The following CLASP1 variants were observed in gnomAD, a reference collection of about 807,000 sequenced individuals.
CLASP1 encodes the protein cytoplasmic linker associated protein 1, also known as CLIP-associating protein 1.
CLASP1 carries 38 observed loss-of-function variants against 192.3 expected under a neutral mutation model. That is an observed-to-expected ratio of 0.20 (90% confidence interval 0.15 to 0.26). CLASP1 has a LOEUF of 0.26. Among genes scored for constraint, CLASP1 ranks in the 10% least tolerant of loss-of-function variants. CLASP1 has a pLI of 1.00. For missense variants in CLASP1, 1,433 were observed against 1,932.5 expected, an observed-to-expected ratio of 0.74 and a Z score of 4.85; for synonymous variants, 691 against 712.8, an observed-to-expected ratio of 0.97 and a Z score of 0.49.
chr2:121,509,317 A>G (rs1342152613), intron 7 of CLASP1, among the ~76,000 whole-genome samples: 1 of 152,164 alleles, frequency 6.6e-6, no homozygotes, highest in Non-Finnish European at 1.5e-5. Flanking sequence ...CTAGGACCAC[A>G]GGCACACGCT....
chr2:121,629,355 ACT>A (rs1465197103), intron 1 of CLASP1, among the ~76,000 whole-genome samples: 4 of 151,916 alleles, frequency 2.6e-5, no homozygotes, highest in Admixed American at 6.6e-5. Flanking sequence ...GCACCACTGC[ACT>A]CCAGCCTGGG....
At chr2:121,613,323 A>T (rs895303170) in intron 1 of CLASP1, among the ~76,000 whole-genome samples, 8 of 152,234 alleles carry the variant, frequency 5.3e-5, no homozygotes, top group African/African-American at 1.9e-4. Context: ...AAACAATAAA[A>T]GGTCAAGACA....
intron 3 of CLASP1, among the ~76,000 whole-genome samples, 168 bp downstream of exon 3, chr2:121,530,079 G>A (rs1208745986): frequency 6.6e-6 from 1 of 151,946 alleles, no homozygotes; most frequent in Non-Finnish European, 1.5e-5. Flanking sequence ...GTGCTTAGGG[G>A]GGCTGCGGGG....
intron 6 of CLASP1, among the ~76,000 whole-genome samples, chr2:121,520,784 C>T (rs1333422625): frequency 6.6e-6 from 1 of 152,168 alleles, no homozygotes; most frequent in Non-Finnish European, 1.5e-5. Flanking sequence ...CCACTGGCTG[C>T]CTCTGTTACA....
At chr2:121,379,427 ACC>A in intron 33 of CLASP1, among the ~76,000 whole-genome samples, 1 of 152,298 alleles carries the variant, frequency 6.6e-6, no homozygotes, top group South Asian at 2.1e-4. Flanking sequence ...GAAAGGCATG[ACC>A]AAGGGGCCAG....
chr2:121,582,468 C>A (rs2061303979), intron 2 of CLASP1, among the ~76,000 whole-genome samples: 1 of 141,658 alleles, frequency 7.1e-6, no homozygotes, highest in East Asian at 2.2e-4. Flanking sequence ...AAGAAAGATA[C>A]ATGTTTTTGG....
At chr2:121,439,135 T>A (rs2082819431) in intron 19 of CLASP1, among the ~76,000 whole-genome samples, 1 of 151,902 alleles carries the variant, frequency 6.6e-6, no homozygotes, top group Non-Finnish European at 1.5e-5. Flanking sequence ...TTTGTAGTAT[T>A]CTCTGATGGT....
intron 25 of CLASP1, 105 bp downstream of exon 26, chr2:121,407,366 T>C: frequency 7.7e-7 from 1 of 1,304,862 alleles, no homozygotes; most frequent in Non-Finnish European, 1.0e-6. Context: ...GTATCTCCAT[T>C]AATTATAGGA....
rs542859382 is a variant in CLASP1, at chr2:121,424,061, C to T, written c.2212+1078G>A. Reference sequence around the variant, plus strand: ...AGAAACCTTTCCCCTCATCTCCCCACCCGGACCAATCCCATTTTGTACTTC... The same window carrying T: ...AGAAACCTTTCCCCTCATCTCCCCATCCGGACCAATCCCATTTTGTACTTC... On this transcript the variant is annotated intron_variant, in intron 22 of 39. Coordinates refer to ENST00000263710, the Ensembl canonical transcript of CLASP1. Among the ~76,000 whole-genome samples the T allele has an allele frequency of 8.5e-5, 13 of 152,292 alleles. No homozygotes were observed. The South Asian group carries it at 2.1e-3, about 24-fold the overall frequency.
rs1559535734 is a variant in CLASP1, at chr2:121,531,016, C to CT, written c.196-692dup. 5 of 700,028 alleles carry CT rather than the reference C, an allele frequency of 7.1e-6. No homozygotes were observed. In the South Asian group the frequency reaches 7.4e-5, roughly 10 times the overall value. The allele number at this position is 700,028 out of a possible 1,614,324, so 43.4% of individuals were successfully genotyped here. A position where few individuals can be genotyped will look rare whatever the true frequency, so the allele number is the denominator to read the frequency against. On this transcript the variant is annotated intron_variant, in intron 2 of 39. Coordinates refer to ENST00000263710, the Ensembl canonical transcript of CLASP1. ...GTGCAATTTTTGGAAAAATGAAAAC[C>CT]TGTTTTCATAGACTTATCAGTTCAA...
chr2:121,622,508 G>C (rs1395105056), intron 1 of CLASP1, among the ~76,000 whole-genome samples: 5 of 151,442 alleles, frequency 3.3e-5, no homozygotes, highest in Non-Finnish European at 2.9e-5. Flanking sequence ...GGTAGAGGTT[G>C]CAGTGAGCTG....
At chr2:121,360,085 G>A (rs1328818515) in intron 37 of CLASP1, among the ~76,000 whole-genome samples, 1 of 152,200 alleles carries the variant, frequency 6.6e-6, no homozygotes, top group Non-Finnish European at 1.5e-5. Context: ...CCTCGCTGCA[G>A]TCACATAGTC....
chr2:121,619,927 A>C (rs1372804862), intron 1 of CLASP1, among the ~76,000 whole-genome samples: 1 of 152,134 alleles, frequency 6.6e-6, no homozygotes, highest in East Asian at 1.9e-4. Context: ...TATATCTGTT[A>C]GAAATTATCC....
chr2:121,603,208 C>T (rs1403044427), intron 2 of CLASP1: 1 of 147,916 alleles, frequency 6.8e-6, no homozygotes, highest in Non-Finnish European at 1.5e-5. Flanking sequence ...TCAAACATCT[C>T]AACAGAAAAA....
intron 20 of CLASP1, 159 bp from the exon 21 acceptor site, chr2:121,427,589 A>G: frequency 1.4e-6 from 1 of 708,308 alleles, no homozygotes; most frequent in South Asian, 1.9e-5. Context: ...CTATTTTTGT[A>G]CTTATGTTTA....
intron 23 of CLASP1, among the ~76,000 whole-genome samples, chr2:121,417,513 G>C (rs2078800473): frequency 6.6e-6 from 1 of 151,768 alleles, no homozygotes; most frequent in African/African-American, 2.4e-5. Context: ...TAATGCTTCA[G>C]ACTGCTGTGG....
chr2:121,422,480 T>G (rs1224279841), intron 22 of CLASP1, among the ~76,000 whole-genome samples: 1 of 152,200 alleles, frequency 6.6e-6, no homozygotes, highest in Non-Finnish European at 1.5e-5. Flanking sequence ...AGGGCAAACT[T>G]CCAAAATATA....
intron 23 of CLASP1, among the ~76,000 whole-genome samples, chr2:121,413,117 G>A (rs2078001350): frequency 6.6e-6 from 1 of 151,996 alleles, no homozygotes; most frequent in Admixed American, 6.6e-5. Flanking sequence ...AAAACTAGCT[G>A]GGTATGGTGG....
At chr2:121,530,984 T>C (rs143596327) in intron 2 of CLASP1, 11 of 700,432 alleles carry the variant, frequency 1.6e-5, no homozygotes, top group East Asian at 1.1e-4. Context: ...GCTTTTGCTT[T>C]ATTTTGGTGC....
Sources: gnomAD v4.1 joint callset for allele counts (sites outside exome capture counted in the v4.1 genomes callset) on GRCh38, gnomAD v4.1.1 for gene constraint, MANE v1.5 for transcripts, NCBI Gene and HGNC (gene_info 2026-07-23, HGNC 2026-07-21) for gene names.